Variants in GRM7 observed in about 807,000 individuals in gnomAD.
GRM7 encodes the protein glutamate metabotropic receptor 7, also known as metabotropic glutamate receptor 7.
Under a neutral mutation model 84.5 loss-of-function variants are expected in GRM7, and 35 were observed. The observed-to-expected ratio is 0.41, with a 90% CI of 0.32 to 0.55. GRM7 has a LOEUF of 0.55. GRM7 is among the 20% of genes least tolerant of loss of function. GRM7 has a pLI of 0.19. For synonymous variants in GRM7, 487 were observed against 455.1 expected, an observed-to-expected ratio of 1.07 and a Z score of -0.89; for missense variants, 1,003 against 1,194.6, an observed-to-expected ratio of 0.84 and a Z score of 2.36.
intron 7 of GRM7, among the ~76,000 whole-genome samples, chr3:7,557,599 T>A (rs1693833169): frequency 6.6e-6 from 1 of 152,040 alleles, no homozygotes; most frequent in Admixed American, 6.6e-5. Flanking sequence ...ATGGATCACA[T>A]CAAAAAATGA....
At chr3:7,174,528 C>T (rs1304665831) in intron 2 of GRM7, among the ~76,000 whole-genome samples, 5 of 152,198 alleles carry the variant, frequency 3.3e-5, no homozygotes, top group African/African-American at 1.2e-4. Flanking sequence ...ATGACAAACA[C>T]ATCCTGAAGT....
chr3:7,544,093 C>A (rs868509820), intron 7 of GRM7, among the ~76,000 whole-genome samples: 2 of 152,320 alleles, frequency 1.3e-5, no homozygotes, highest in Non-Finnish European at 1.5e-5. Context: ...GACCCCAGTA[C>A]TACTGCTTCT....
At chr3:7,300,660 C>A (rs967490317) in intron 3 of GRM7, among the ~76,000 whole-genome samples, 5 of 152,118 alleles carry the variant, frequency 3.3e-5, no homozygotes, top group Non-Finnish European at 7.4e-5. Context: ...ATTCTTTCCC[C>A]CTCCCTGGCC....
intron 2 of GRM7, among the ~76,000 whole-genome samples, chr3:7,147,663 A>G (rs952796002): frequency 6.6e-6 from 1 of 152,198 alleles, no homozygotes; most frequent in African/African-American, 2.4e-5. Context: ...GATACGGATG[A>G]TGCTAGAAGA....
At chr3:7,356,018 A>C (rs889731226) in intron 4 of GRM7, among the ~76,000 whole-genome samples, 1 of 152,078 alleles carries the variant, frequency 6.6e-6, no homozygotes, top group African/African-American at 2.4e-5. Context: ...ATGTTGGTGA[A>C]GGGAAGTCTT....
At chr3:7,244,815 C>CA (rs1466281339) in intron 2 of GRM7, among the ~76,000 whole-genome samples, 3 of 151,840 alleles carry the variant, frequency 2.0e-5, no homozygotes, top group Admixed American at 2.0e-4. Context: ...GACTCAAAAA[C>CA]AAATGAAGGA....
chr3:7,206,510 G>A (rs950406053), intron 2 of GRM7, among the ~76,000 whole-genome samples: 1 of 152,150 alleles, frequency 6.6e-6, no homozygotes, highest in Non-Finnish European at 1.5e-5. Flanking sequence ...ATTTAATAAA[G>A]AAAGGTCCAT....
Position 7,311,356 on chromosome 3 carries a change from T to C in GRM7, c.1033+4704T>C, listed in dbSNP as rs545166905. Among the ~76,000 whole-genome samples, 104 of 151,800 alleles carry C rather than the reference T, an allele frequency of 6.9e-4. 1 individual carries two copies. The highest frequency in any genetic ancestry group is 2.4e-3 in the Admixed American group (37 of 15,220). ...CTTCCAAGGCCAGCATCCACTGGACTCATAGGTGAAATCCCACAGGGAACA... is the reference window on the plus strand; with the variant it reads ...CTTCCAAGGCCAGCATCCACTGGACCCATAGGTGAAATCCCACAGGGAACA... On this transcript the variant is annotated intron_variant, in intron 4 of 9. Coordinates refer to ENST00000357716, the MANE Select transcript of GRM7 (RefSeq NM_000844.4).
intron 1 of GRM7, among the ~76,000 whole-genome samples, chr3:7,038,183 T>C (rs1489294456): frequency 6.6e-6 from 1 of 152,194 alleles, no homozygotes; most frequent in East Asian, 1.9e-4. Flanking sequence ...TACAACATGA[T>C]TGAAGGTATT....
At chr3:6,977,281 C>T (rs1694037303) in intron 1 of GRM7, among the ~76,000 whole-genome samples, 1 of 151,988 alleles carries the variant, frequency 6.6e-6, no homozygotes, top group East Asian at 1.9e-4. Context: ...TACAATTTAT[C>T]CTTATTTTTG....
At chr3:6,972,304 GGCCCTTC>G (rs1693789006) in intron 1 of GRM7, among the ~76,000 whole-genome samples, 3 of 152,076 alleles carry the variant, frequency 2.0e-5, no homozygotes, top group Non-Finnish European at 4.4e-5. Context: ...TGAATACATT[GGCCCTTC>G]CTCAAACCTC....
Position 7,040,683 on chromosome 3 carries a change from A to G in GRM7, c.520-105769A>G, listed in dbSNP as rs546951644. Among the ~76,000 whole-genome samples, 8 of 152,144 alleles carry G rather than the reference A, an allele frequency of 5.3e-5. No individual in the cohort carries two copies. In the East Asian group the frequency reaches 1.4e-3, roughly 26 times the overall value. On this transcript the variant is annotated intron_variant, in intron 1 of 9. Coordinates refer to ENST00000357716, the MANE Select transcript of GRM7 (RefSeq NM_000844.4). ...ATGAATCTGGTCCTTTGCTACTTAT[A>G]GGTGTGTCTTGGGACCAGCAGGATG...
intron 7 of GRM7, among the ~76,000 whole-genome samples, chr3:7,471,047 C>T (rs1327670920): frequency 6.6e-6 from 1 of 151,468 alleles, no homozygotes; most frequent in East Asian, 2.0e-4. Context: ...AACCGCAATT[C>T]CCTTCTTTAT....
At chr3:7,274,723 G>C (rs771728174) in intron 2 of GRM7, among the ~76,000 whole-genome samples, 50 of 151,830 alleles carry the variant, frequency 3.3e-4, no homozygotes, top group Non-Finnish European at 6.8e-4. Context: ...ATTTTCTGTA[G>C]TTTGAAAATC....
At chr3:7,283,636 T>C (rs917206032) in intron 2 of GRM7, among the ~76,000 whole-genome samples, 10 of 152,278 alleles carry the variant, frequency 6.6e-5, no homozygotes, top group Admixed American at 4.6e-4. Flanking sequence ...GAGTTGAATT[T>C]AAAGACTTTG....
chr3:6,969,362 A>C (rs573998461), intron 1 of GRM7, among the ~76,000 whole-genome samples: 2 of 152,328 alleles, frequency 1.3e-5, no homozygotes, highest in East Asian at 3.9e-4. Context: ...GCAGGTAGTT[A>C]TCATTATCCC....
chr3:7,102,990 A>T (rs1056453873), intron 1 of GRM7, among the ~76,000 whole-genome samples: 2 of 151,668 alleles, frequency 1.3e-5, no homozygotes, highest in East Asian at 3.9e-4. Flanking sequence ...CAATATATTT[A>T]TAATACCTGC....
At chr3:7,105,334 A>T (rs1699253904) in intron 1 of GRM7, among the ~76,000 whole-genome samples, 1 of 151,898 alleles carries the variant, frequency 6.6e-6, no homozygotes, top group Non-Finnish European at 1.5e-5. Context: ...TTTGTCTACA[A>T]CCATCTATCC....
chr3:7,493,837 A>G (rs980675349), intron 7 of GRM7, among the ~76,000 whole-genome samples: 2 of 152,032 alleles, frequency 1.3e-5, no homozygotes, highest in Non-Finnish European at 2.9e-5. Flanking sequence ...GTGTATCTGT[A>G]TTTCTCATAA....
Sources: allele counts gnomAD v4.1 joint callset (sites outside exome capture counted in the v4.1 genomes callset), GRCh38; gene constraint gnomAD v4.1.1; transcripts MANE v1.5; gene names NCBI Gene and HGNC (gene_info 2026-07-23, HGNC 2026-07-21).